STIM2: variants seen among roughly 807,000 people sequenced by gnomAD.
STIM2 encodes stromal interaction molecule 2.
Under a neutral mutation model 85.8 loss-of-function variants are expected in STIM2, and 31 were observed. The ratio of observed to expected loss-of-function variants is 0.36; its 90% CI spans 0.27 to 0.49. STIM2 has a LOEUF of 0.49. STIM2 is among the 20% of genes least tolerant of loss of function. The probability of loss-of-function intolerance (pLI) is 0.98; values close to 1 mark genes in which losing one functional copy is unlikely to be tolerated. For synonymous variants in STIM2, 356 were observed against 331.1 expected (o/e 1.08, Z -0.82); for missense variants, 841 against 927.6 (o/e 0.91, Z 1.21).
At chr4:26,902,447 G>A (rs562494520) in intron 1 of STIM2, among the ~76,000 whole-genome samples, 11 of 152,230 alleles carry the variant, frequency 7.2e-5, no homozygotes, top group Non-Finnish European at 5.9e-5. Context: ...ACATTTAGGA[G>A]AGAAATCACG....
chr4:26,970,406 C>A (rs186188520), intron 3 of STIM2, among the ~76,000 whole-genome samples: 2 of 151,918 alleles, frequency 1.3e-5, no homozygotes, highest in African/African-American at 2.4e-5. Flanking sequence ...CCCCCTACCC[C>A]CTCACAGGCC....
intron 1 of STIM2, among the ~76,000 whole-genome samples, chr4:26,912,546 G>C (rs914347392): frequency 1.3e-5 from 2 of 152,172 alleles, no homozygotes; most frequent in Non-Finnish European, 2.9e-5. Flanking sequence ...AATAGCATTT[G>C]ATGCATTTTG....
intron 2 of STIM2, among the ~76,000 whole-genome samples, chr4:26,933,445 A>G (rs568386206): frequency 2.0e-5 from 3 of 152,334 alleles, no homozygotes; most frequent in South Asian, 2.1e-4. Flanking sequence ...TGTGGTTCAA[A>G]TACAGTCCTT....
chr4:26,876,367 A>C, intron 1 of STIM2, among the ~76,000 whole-genome samples: 1 of 152,166 alleles, frequency 6.6e-6, no homozygotes, highest in East Asian at 1.9e-4. Flanking sequence ...TTTGAGTCAC[A>C]GGAATACACT....
intron 5 of STIM2, among the ~76,000 whole-genome samples, chr4:27,001,152 G>C (rs555349900): frequency 6.6e-6 from 1 of 152,288 alleles, no homozygotes; most frequent in South Asian, 2.1e-4. Flanking sequence ...ACTCTTTTAT[G>C]TCACCAAACT....
At chr4:26,969,125 A>G (rs1266770524) in intron 3 of STIM2, among the ~76,000 whole-genome samples, 1 of 152,230 alleles carries the variant, frequency 6.6e-6, no homozygotes, top group African/African-American at 2.4e-5. Context: ...ACTTGCTGAC[A>G]GAATAATTCT....
At chr4:26,961,899 A>G (rs560491279) in intron 3 of STIM2, among the ~76,000 whole-genome samples, 103 of 152,212 alleles carry the variant, frequency 6.8e-4, no homozygotes, top group African/African-American at 2.4e-3. Context: ...CTACGGGCGT[A>G]TACCACCACG....
At chr4:26,973,015 A>G (rs921584316) in intron 3 of STIM2, among the ~76,000 whole-genome samples, 1 of 152,094 alleles carries the variant, frequency 6.6e-6, no homozygotes, top group Non-Finnish European at 1.5e-5. Context: ...TAGATTTTCT[A>G]GTTTATTTGC....
At chr4:26,984,599 A>G (rs1727514439) in intron 3 of STIM2, among the ~76,000 whole-genome samples, 1 of 152,206 alleles carries the variant, frequency 6.6e-6, no homozygotes, top group Admixed American at 6.5e-5. Context: ...TCCTGGCCTC[A>G]AATGATCTGC....
rs571971992 is a variant in STIM2, at chr4:26,982,134, GT to G, written c.398-13243del. Among the ~76,000 whole-genome samples, 509 of 152,160 alleles carry G rather than the reference GT, an allele frequency of 3.3e-3. 2 individuals are homozygous for G. Among genetic ancestry groups the G allele is most frequent in the African/African-American group, 0.012 (487 of 41,520 alleles). ...ATTCCATCATTCCTTCTACTTACTA[GT>G]TGGCGTTCTACTATAAGGAAGAGAA... On this transcript the variant is annotated intron_variant, in intron 3 of 11. Transcript: ENST00000467087.
chr4:26,962,787 A>G (rs770521206), intron 3 of STIM2, among the ~76,000 whole-genome samples: 4 of 152,214 alleles, frequency 2.6e-5, no homozygotes, highest in Non-Finnish European at 5.9e-5. Flanking sequence ...AGGAAATTGT[A>G]CATAGAAAAT....
chr4:26,894,108 G>T (rs150847713), intron 1 of STIM2, among the ~76,000 whole-genome samples: 1 of 152,082 alleles, frequency 6.6e-6, no homozygotes, highest in Non-Finnish European at 1.5e-5. Flanking sequence ...AGACTGGGCT[G>T]GAACTCCTGA....
chr4:27,009,203 T>C (rs1483194369), intron 10 of STIM2, among the ~76,000 whole-genome samples: 1 of 152,204 alleles, frequency 6.6e-6, no homozygotes, highest in Admixed American at 6.5e-5. Context: ...TTTGTGTATA[T>C]TTATATTATA....
At chr4:26,977,784 T>C (rs1356075089) in intron 3 of STIM2, among the ~76,000 whole-genome samples, 1 of 151,926 alleles carries the variant, frequency 6.6e-6, no homozygotes, top group Non-Finnish European at 1.5e-5. Context: ...GGGAAAACAT[T>C]GAAAAATACT....
At chr4:26,893,170 T>C (rs1224796014) in intron 1 of STIM2, among the ~76,000 whole-genome samples, 1 of 152,196 alleles carries the variant, frequency 6.6e-6, no homozygotes, top group East Asian at 1.9e-4. Flanking sequence ...TAAATGTTTA[T>C]GTAGTCTAAT....
At chr4:26,921,640 GTT>G (rs1724801899) in intron 2 of STIM2, among the ~76,000 whole-genome samples, 1 of 152,192 alleles carries the variant, frequency 6.6e-6, no homozygotes, top group Non-Finnish European at 1.5e-5. Context: ...CTTAAAATAT[GTT>G]CCTTTTTCTT....
chr4:26,975,729 T>C (rs1277187754), intron 3 of STIM2, among the ~76,000 whole-genome samples: 1 of 152,214 alleles, frequency 6.6e-6, no homozygotes, highest in East Asian at 1.9e-4. Flanking sequence ...CTTGAGGCAG[T>C]CTGTCCATTC....
intron 2 of STIM2, among the ~76,000 whole-genome samples, chr4:26,935,267 C>T (rs960803448): frequency 1.5e-4 from 23 of 152,142 alleles, no homozygotes; most frequent in African/African-American, 5.1e-4. Flanking sequence ...TTCAGCAACT[C>T]ACCAAAGCGT....
intron 1 of STIM2, among the ~76,000 whole-genome samples, chr4:26,917,080 G>T (rs1404081415): frequency 6.6e-6 from 1 of 152,170 alleles, no homozygotes; most frequent in Non-Finnish European, 1.5e-5. Context: ...TGTGAGAAGT[G>T]GAGAAACATG....
Sources: allele counts gnomAD v4.1 joint callset (sites outside exome capture counted in the v4.1 genomes callset), GRCh38; gene constraint gnomAD v4.1.1; transcripts MANE v1.5; gene names NCBI Gene and HGNC (gene_info 2026-07-23, HGNC 2026-07-21).